The following GABRB1 variants were observed in gnomAD, a reference collection of about 807,000 sequenced individuals.
GABRB1 encodes the protein gamma-aminobutyric acid type A receptor subunit beta1, also known as gamma-aminobutyric acid receptor subunit beta-1.
In GABRB1, 17 loss-of-function variants were observed where a neutral mutation model predicts 51.6. The observed-to-expected ratio is 0.33, with a 90% CI of 0.23 to 0.49. The LOEUF is 0.49. Ranked by LOEUF, GABRB1 falls within the 20% of genes least tolerant of loss-of-function variation. GABRB1 has a pLI of 0.99. For synonymous variants in GABRB1, 247 were observed against 218.9 expected (o/e 1.13, Z -1.14); for missense variants, 410 against 600.6 (o/e 0.68, Z 3.32).
chr4:47,117,767 C>G (rs1285852111), intron 3 of GABRB1, among the ~76,000 whole-genome samples: 1 of 152,138 alleles, frequency 6.6e-6, no homozygotes, highest in Non-Finnish European at 1.5e-5. Flanking sequence ...ATGAAATACG[C>G]TGGGAAATTT....
chr4:47,410,693 G>A (rs993662239), intron 8 of GABRB1, among the ~76,000 whole-genome samples: 7 of 152,328 alleles, frequency 4.6e-5, no homozygotes, highest in Admixed American at 2.0e-4. Context: ...AGAAAAAATA[G>A]CTAGAAGCTG....
At chr4:47,154,498 TACCTCCC>T (rs1717604344) in intron 3 of GABRB1, among the ~76,000 whole-genome samples, 1 of 152,070 alleles carries the variant, frequency 6.6e-6, no homozygotes, top group Non-Finnish European at 1.5e-5. Flanking sequence ...TTTCTCAGCA[TACCTCCC>T]TTTTTTCAGT....
intron 4 of GABRB1, among the ~76,000 whole-genome samples, chr4:47,285,030 A>T (rs1337734231): frequency 6.6e-6 from 1 of 152,226 alleles, no homozygotes; most frequent in Non-Finnish European, 1.5e-5. Context: ...TCTTCTAAGA[A>T]TGTCTTCTTA....
At chr4:47,277,776 T>C (rs1443396985) in intron 4 of GABRB1, among the ~76,000 whole-genome samples, 2 of 152,076 alleles carry the variant, frequency 1.3e-5, no homozygotes, top group African/African-American at 4.8e-5. Flanking sequence ...TATTTTGTAT[T>C]TCCTACTTCA....
intron 4 of GABRB1, among the ~76,000 whole-genome samples, chr4:47,256,766 A>G (rs915845768): frequency 6.6e-6 from 1 of 152,184 alleles, no homozygotes; most frequent in African/African-American, 2.4e-5. Flanking sequence ...AAGAACAGCA[A>G]GAGGGAAGTC....
chr4:47,263,052 G>C lies in GABRB1; in HGVS notation c.462-57075G>C, dbSNP rs35607072. ...ACACTGGGGACTGTTGTGGGGTGGG[G>C]GGAGGGGGGAGGGATAGCTTTAGGA... On this transcript the variant is annotated intron_variant, in intron 4 of 8. Coordinates refer to ENST00000295454, the MANE Select transcript of GABRB1 (RefSeq NM_000812.4). 2.7e-5 allele frequency among the ~76,000 whole-genome samples: 3 copies of C among 112,112 alleles called. No homozygotes were observed. In the South Asian group the frequency reaches 1.2e-3, roughly 44 times the overall value. The allele number at this position is 112,112 out of a possible 152,430, so 73.5% of individuals were successfully genotyped here. A position where few individuals can be genotyped will look rare whatever the true frequency, so the allele number is the denominator to read the frequency against.
In GABRB1 at chr4:47,162,285, G is replaced by T. The variant is rs145824720; in HGVS notation, c.461+816G>T. Among the ~76,000 whole-genome samples, 77 of 152,160 alleles carry T rather than the reference G, an allele frequency of 5.1e-4. 2 individuals carry two copies. Among genetic ancestry groups the T allele is most frequent in the African/African-American group, 1.5e-3 (61 of 41,548 alleles). ...CAATTGTAATTTTTCTGTTACCAAT[G>T]TAACTTCCGTCAGACATGCCCAATG... On this transcript the variant is annotated intron_variant, in intron 4 of 8. Coordinates refer to ENST00000295454, the MANE Select transcript of GABRB1 (RefSeq NM_000812.4).
chr4:47,145,829 T>C (rs1717145890), intron 3 of GABRB1, among the ~76,000 whole-genome samples: 1 of 152,076 alleles, frequency 6.6e-6, no homozygotes, highest in South Asian at 2.1e-4. Flanking sequence ...CATTCATAGA[T>C]AACTCTTTAA....
chr4:47,019,370 T>C (rs1254922420), intron 1 of GABRB1, among the ~76,000 whole-genome samples: 1 of 152,188 alleles, frequency 6.6e-6, no homozygotes, highest in Admixed American at 6.5e-5. Context: ...GGAATTTCCT[T>C]CCTTTTCTAC....
intron 8 of GABRB1, among the ~76,000 whole-genome samples, chr4:47,413,467 A>C (rs1296248569): frequency 6.6e-6 from 1 of 152,248 alleles, no homozygotes; most frequent in South Asian, 2.1e-4. Flanking sequence ...CAGTTACATT[A>C]ATAATGCAAA....
At chr4:47,086,674 C>T (rs934769911) in intron 3 of GABRB1, among the ~76,000 whole-genome samples, 1 of 152,176 alleles carries the variant, frequency 6.6e-6, no homozygotes, top group African/African-American at 2.4e-5. Context: ...AAAAATGCTC[C>T]TGTGCCTGTC....
chr4:47,125,644 C>T (rs1353730446), intron 3 of GABRB1, among the ~76,000 whole-genome samples: 14 of 134,800 alleles, frequency 1.0e-4, no homozygotes, highest in African/African-American at 3.4e-4. Context: ...CAAGCTCCGC[C>T]TCCTGGGTTC....
chr4:47,276,117 A>G (rs1226753147), intron 4 of GABRB1, among the ~76,000 whole-genome samples: 1 of 152,162 alleles, frequency 6.6e-6, no homozygotes, highest in African/African-American at 2.4e-5. Context: ...GAAAATATTC[A>G]TCAAAATGTA....
chr4:47,167,752 G>A (rs1342608667), intron 4 of GABRB1, among the ~76,000 whole-genome samples: 3 of 152,106 alleles, frequency 2.0e-5, no homozygotes, highest in Non-Finnish European at 4.4e-5. Flanking sequence ...TAGCATATGT[G>A]TTTTGTCTCC....
At chr4:47,359,491 C>T (rs1363014767) in intron 5 of GABRB1, among the ~76,000 whole-genome samples, 3 of 152,072 alleles carry the variant, frequency 2.0e-5, no homozygotes, top group African/African-American at 4.8e-5. Flanking sequence ...TCCCAACGTG[C>T]CTAATAATCA....
At chr4:47,098,187 CACAT>C (rs935111532) in intron 3 of GABRB1, among the ~76,000 whole-genome samples, 7 of 136,296 alleles carry the variant, frequency 5.1e-5, no homozygotes, top group South Asian at 4.7e-4. Flanking sequence ...CACACACACA[CACAT>C]GTTTTTCAGT....
In GABRB1 at chr4:47,114,726, T is replaced by C. The variant is rs1715391106; in HGVS notation, c.241-46523T>C. On this transcript the variant is annotated intron_variant, in intron 3 of 8. Coordinates refer to ENST00000295454, the MANE Select transcript of GABRB1 (RefSeq NM_000812.4). ...TCCAAGCTGACTCCAACTTTCATTT[T>C]TGAAACTTGTACTAGCTACATAATT... Among the ~76,000 whole-genome samples the C allele has an allele frequency of 2.0e-5, 3 of 152,320 alleles. No homozygotes were observed. The South Asian group carries it at 6.2e-4, about 32-fold the overall frequency.
intron 4 of GABRB1, among the ~76,000 whole-genome samples, chr4:47,301,651 T>C (rs975605348): frequency 6.6e-6 from 1 of 151,466 alleles, no homozygotes; most frequent in African/African-American, 2.4e-5. Flanking sequence ...AAAAAACATT[T>C]CAATTAACCC....
chr4:47,123,886 TA>T (rs1560545832), intron 3 of GABRB1, among the ~76,000 whole-genome samples: 1 of 77,888 alleles, frequency 1.3e-5, no homozygotes, highest in African/African-American at 4.4e-5. Context: ...ATATATAATA[TA>T]TATAATATAT....
Sources: allele counts gnomAD v4.1 joint callset (sites outside exome capture counted in the v4.1 genomes callset), GRCh38; gene constraint gnomAD v4.1.1; transcripts MANE v1.5; gene names NCBI Gene and HGNC (gene_info 2026-07-23, HGNC 2026-07-21).